Variants in SLC1A2 observed in about 807,000 individuals in gnomAD.
SLC1A2 encodes the protein excitatory amino acid transporter 2.
Under a neutral mutation model 48.8 loss-of-function variants are expected in SLC1A2, and 15 were observed. The ratio of observed to expected loss-of-function variants is 0.31; its 90% confidence interval spans 0.21 to 0.47. The LOEUF (loss-of-function observed/expected upper bound fraction) is 0.47, where lower values mean the gene tolerates loss of function less well. SLC1A2 is among the 20% of genes least tolerant of loss of function. The probability of loss-of-function intolerance (pLI) is 0.99; values close to 1 mark genes in which losing one functional copy is unlikely to be tolerated. For missense variants in SLC1A2, 502 were observed against 730.5 expected (o/e 0.69, Z 3.61); for synonymous variants, 279 against 272.6 (o/e 1.02, Z -0.23).
At chr11:35,337,468 A>G (rs1056921745) in intron 1 of SLC1A2, among the ~76,000 whole-genome samples, 1 of 152,196 alleles carries the variant, frequency 6.6e-6, no homozygotes. Flanking sequence ...CATGCTAGTC[A>G]CAAATCAGGT....
At chr11:35,413,181 C>A (rs184841296) in intron 1 of SLC1A2, among the ~76,000 whole-genome samples, 3 of 152,176 alleles carry the variant, frequency 2.0e-5, no homozygotes, top group Admixed American at 1.3e-4. Context: ...ACAGACTGTG[C>A]CCAACCTGAA....
At chr11:35,305,102 T>A (rs1851464026) in intron 5 of SLC1A2, among the ~76,000 whole-genome samples, 1 of 152,210 alleles carries the variant, frequency 6.6e-6, no homozygotes, top group Non-Finnish European at 1.5e-5. Flanking sequence ...AATGCCCCTA[T>A]TTCCTGTCTC....
At position 35,286,908 on chromosome 11, in the gene SLC1A2, G is replaced by A; in HGVS notation, c.1135C>T (p.Leu379=). 6.2e-7 allele frequency: 1 copy of A among 1,614,032 alleles called. No homozygotes were observed. The highest frequency in any genetic ancestry group is 8.5e-7 in the Non-Finnish European group (1 of 1,179,938). ...CTAGTCACACGCTTATCAATCCCCAGATTTTCTTCCAGGCAACGAAAGGTG... is the reference window on the plus strand; with the variant it reads ...CTAGTCACACGCTTATCAATCCCCAAATTTTCTTCCAGGCAACGAAAGGTG... ...PVTFRCLEEN[L]GIDKRVTRFV... The change falls in exon 8 of 11, where the codon CTG becomes TTG. Residue 379 remains leucine, a synonymous_variant. Coordinates refer to ENST00000278379, the MANE Select transcript of SLC1A2 (RefSeq NM_004171.4).
intron 1 of SLC1A2, among the ~76,000 whole-genome samples, chr11:35,388,226 A>C (rs1590260655): frequency 6.6e-6 from 1 of 152,260 alleles, no homozygotes; most frequent in South Asian, 2.1e-4. Flanking sequence ...GAAAAGAGAA[A>C]GACCCGATGA....
intron 1 of SLC1A2, chr11:35,390,870 TG>T (rs1854745249): frequency 6.6e-6 from 1 of 152,228 alleles, no homozygotes; most frequent in Non-Finnish European, 1.5e-5. Context: ...TTCTCCATGT[TG>T]GCCAGGCTGG....
intron 10 of SLC1A2, chr11:35,265,288 A>G (rs1950462447): frequency 1.5e-5 from 8 of 551,560 alleles, no homozygotes; most frequent in Non-Finnish European, 3.2e-6. Flanking sequence ...TGGTTGTTTC[A>G]CATCACATGG....
At chr11:35,301,797 T>C (rs1851365124) in intron 5 of SLC1A2, 152 bp from the exon 6 acceptor site, 1 of 721,812 alleles carries the variant, frequency 1.4e-6, no homozygotes, top group African/African-American at 1.8e-5. Context: ...TTATATTTGA[T>C]ACTGAATGTA....
chr11:35,320,241 C>A (rs967815064), intron 1 of SLC1A2, among the ~76,000 whole-genome samples: 15 of 152,180 alleles, frequency 9.9e-5, no homozygotes, highest in African/African-American at 3.6e-4. Flanking sequence ...GTAACAGTGA[C>A]AATAACAGGC....
At chr11:35,390,037 T>C (rs566935578) in intron 1 of SLC1A2, among the ~76,000 whole-genome samples, 12 of 152,390 alleles carry the variant, frequency 7.9e-5, no homozygotes, top group African/African-American at 2.9e-4. Context: ...TTTGTATTTT[T>C]AAATGGTCAC....
chr11:35,312,510 T>C (rs926126292), intron 3 of SLC1A2, 62 bp from the exon 4 acceptor site: 5 of 1,558,770 alleles, frequency 3.2e-6, no homozygotes, highest in Non-Finnish European at 4.4e-6. Context: ...GACCTGTGTC[T>C]ACATTTCTAT....
At chr11:35,302,479 C>A (rs116467280) in intron 5 of SLC1A2, among the ~76,000 whole-genome samples, 1,732 of 152,264 alleles carry the variant, frequency 0.011, 33 homozygotes, top group African/African-American at 0.04. Flanking sequence ...CTCACATCAG[C>A]CTTTGGGGTC....
intron 1 of SLC1A2, among the ~76,000 whole-genome samples, chr11:35,385,425 C>T (rs1253032932): frequency 6.6e-6 from 1 of 152,224 alleles, no homozygotes; most frequent in Non-Finnish European, 1.5e-5. Context: ...CCCAAGGTCA[C>T]ACAGCTAGTC....
chr11:35,390,128 C>T (rs1268105428), intron 1 of SLC1A2, among the ~76,000 whole-genome samples: 2 of 152,226 alleles, frequency 1.3e-5, no homozygotes, highest in Non-Finnish European at 2.9e-5. Flanking sequence ...ACTAGCTAAA[C>T]ACCCCAGTTA....
intron 6 of SLC1A2, among the ~76,000 whole-genome samples, chr11:35,295,339 C>A (rs936792805): frequency 3.9e-5 from 6 of 152,308 alleles, no homozygotes; most frequent in Middle Eastern, 3.4e-3. Flanking sequence ...TGTGGCCGAC[C>A]AACTGCACCC....
At chr11:35,291,397 G>A (rs1244234165) in intron 7 of SLC1A2, 1 of 151,928 alleles carries the variant, frequency 6.6e-6, no homozygotes, top group Non-Finnish European at 1.5e-5. Flanking sequence ...GAATAGCTGG[G>A]ATTATAGGCG....
At chr11:35,309,312 T>C (rs1251247410) in intron 4 of SLC1A2, among the ~76,000 whole-genome samples, 1 of 152,134 alleles carries the variant, frequency 6.6e-6, no homozygotes, top group Non-Finnish European at 1.5e-5. Context: ...GGCATCCTTG[T>C]ACAAAGCAGA....
intron 6 of SLC1A2, among the ~76,000 whole-genome samples, chr11:35,300,860 T>A (rs1851331286): frequency 6.6e-6 from 1 of 151,820 alleles, no homozygotes; most frequent in South Asian, 2.1e-4. Context: ...CTATAAAAAA[T>A]TTTCAAAAAT....
At chr11:35,407,150 G>T (rs1227745678) in intron 1 of SLC1A2, among the ~76,000 whole-genome samples, 2 of 151,034 alleles carry the variant, frequency 1.3e-5, no homozygotes, top group Admixed American at 1.3e-4. Context: ...GACTAATGAG[G>T]CTATAGAAGT....
At chr11:35,370,921 T>A in intron 1 of SLC1A2, 1 of 978,986 alleles carries the variant, frequency 1.0e-6, no homozygotes, top group Non-Finnish European at 1.2e-6. Context: ...CAAGAATACA[T>A]GAAATATATG....
Sources: gnomAD v4.1 joint callset for allele counts (sites outside exome capture counted in the v4.1 genomes callset) on GRCh38, gnomAD v4.1.1 for gene constraint, MANE v1.5 for transcripts, NCBI Gene and HGNC (gene_info 2026-07-23, HGNC 2026-07-21) for gene names.